HMBOX1: variants seen among roughly 807,000 people sequenced by gnomAD.
HMBOX1 encodes the protein homeobox containing 1.
In HMBOX1, 14 loss-of-function variants were observed where a neutral mutation model predicts 54.5. The observed-to-expected ratio is 0.26, with a 90% CI of 0.17 to 0.40. The LOEUF (loss-of-function observed/expected upper bound fraction) is 0.40, where lower values mean the gene tolerates loss of function less well. HMBOX1 is among the 10% of genes least tolerant of loss of function. The probability of loss-of-function intolerance (pLI) is 1.00; values close to 1 mark genes in which losing one functional copy is unlikely to be tolerated. For missense variants in HMBOX1, 332 were observed against 514.4 expected (o/e 0.65, Z 3.43); for synonymous variants, 160 against 181.0 (o/e 0.88, Z 0.93).
intron 6 of HMBOX1, among the ~76,000 whole-genome samples, chr8:29,044,385 G>C (rs1053171124): frequency 1.3e-5 from 2 of 152,140 alleles, no homozygotes; most frequent in African/African-American, 4.8e-5. Context: ...ATGGGTGACT[G>C]AAAAAGTAGC....
At chr8:28,912,602 A>G (rs1052826036) in intron 1 of HMBOX1, among the ~76,000 whole-genome samples, 4 of 152,182 alleles carry the variant, frequency 2.6e-5, no homozygotes, top group Admixed American at 2.0e-4. Context: ...GTTTTTGTCA[A>G]TGATCATTCC....
chr8:28,928,244 C>T (rs948311755), intron 1 of HMBOX1, among the ~76,000 whole-genome samples: 2 of 151,980 alleles, frequency 1.3e-5, no homozygotes, highest in African/African-American at 2.4e-5. Flanking sequence ...GAAAACTTCC[C>T]AAGAAAATAC....
At chr8:28,983,463 T>C (rs903722380) in intron 4 of HMBOX1, among the ~76,000 whole-genome samples, 2 of 152,238 alleles carry the variant, frequency 1.3e-5, no homozygotes, top group Non-Finnish European at 2.9e-5. Context: ...GTTGTTACCC[T>C]CATTTTAACT....
intron 4 of HMBOX1, among the ~76,000 whole-genome samples, chr8:28,984,299 A>G (rs1162010432): frequency 1.3e-5 from 2 of 152,246 alleles, no homozygotes; most frequent in Admixed American, 1.3e-4. Context: ...GTTCAACTCT[A>G]ATATGTGAAA....
chr8:28,907,874 C>T (rs1235030984), intron 1 of HMBOX1, among the ~76,000 whole-genome samples: 7 of 145,788 alleles, frequency 4.8e-5, no homozygotes, highest in Non-Finnish European at 1.0e-4. Flanking sequence ...GAGACAAGTT[C>T]TCGCTCTGCT....
chr8:28,992,750 ATCCCAGCTAC>A (rs1831172288), intron 4 of HMBOX1, among the ~76,000 whole-genome samples: 1 of 151,226 alleles, frequency 6.6e-6, no homozygotes, highest in Non-Finnish European at 1.5e-5. Context: ...TGTGCCTGTA[ATCCCAGCTAC>A]TCAGGAGGCT....
chr8:28,986,889 C>T (rs569450245), intron 4 of HMBOX1, among the ~76,000 whole-genome samples: 1 of 152,206 alleles, frequency 6.6e-6, no homozygotes, highest in South Asian at 2.1e-4. Context: ...AACCAGCCTT[C>T]ACCACATCCA....
chr8:28,934,877 A>T (rs1247765284), intron 1 of HMBOX1, among the ~76,000 whole-genome samples: 3 of 151,506 alleles, frequency 2.0e-5, no homozygotes, highest in African/African-American at 7.3e-5. Flanking sequence ...CAGTGAGCCG[A>T]GATCGCGCCA....
chr8:28,909,976 C>T (rs2131650404), intron 1 of HMBOX1, among the ~76,000 whole-genome samples: 1 of 152,226 alleles, frequency 6.6e-6, no homozygotes, highest in African/African-American at 2.4e-5. Context: ...TCTCCTGCCT[C>T]AAGCCTGTTC....
intron 1 of HMBOX1, among the ~76,000 whole-genome samples, chr8:28,947,475 C>T (rs927818704): frequency 6.6e-6 from 1 of 152,160 alleles, no homozygotes; most frequent in South Asian, 2.1e-4. Flanking sequence ...TCTTTTCTTC[C>T]TTTCAGCACT....
intron 1 of HMBOX1, among the ~76,000 whole-genome samples, chr8:28,943,204 G>A (rs1463229047): frequency 2.6e-5 from 4 of 152,188 alleles, no homozygotes; most frequent in African/African-American, 9.6e-5. Context: ...TTAAACTGAT[G>A]TAAGATAAAT....
rs1181109993 is a variant in HMBOX1 at position 29,035,687 on chromosome 8, CCA to C, written c.852-9671_852-9670del. Among the ~76,000 whole-genome samples the C allele has an allele frequency of 5.9e-5, 9 of 152,306 alleles. No homozygotes were observed. The East Asian group carries it at 1.5e-3, about 26-fold the overall frequency. ...TCGTTTCATTAGGAAACTAGGAAAT[CCA>C]CAGACTAGCAAAACCAAACACTGCC... On this transcript the variant is annotated intron_variant, in intron 6 of 9. Transcript: ENST00000287701.
chr8:29,045,585 C>G (rs1211530292), intron 7 of HMBOX1, 142 bp downstream of exon 7: 2 of 647,260 alleles, frequency 3.1e-6, no homozygotes, highest in African/African-American at 3.6e-5. Flanking sequence ...GTGGCCAGTG[C>G]CCTGTCCTGC....
At chr8:28,926,128 G>A (rs543104447) in intron 1 of HMBOX1, among the ~76,000 whole-genome samples, 13 of 151,996 alleles carry the variant, frequency 8.6e-5, no homozygotes, top group South Asian at 2.1e-4. Flanking sequence ...GCAAAACCCC[G>A]TCTATACCAA....
At chr8:28,923,729 T>C (rs948844698) in intron 1 of HMBOX1, among the ~76,000 whole-genome samples, 4 of 152,208 alleles carry the variant, frequency 2.6e-5, no homozygotes, top group African/African-American at 7.2e-5. Flanking sequence ...ACCAGCAATA[T>C]ATACAAGGGT....
chr8:28,950,546 T>A (rs1207025162), intron 1 of HMBOX1, among the ~76,000 whole-genome samples: 2 of 152,240 alleles, frequency 1.3e-5, no homozygotes, highest in Non-Finnish European at 2.9e-5. Context: ...TCCTTAGATA[T>A]GTTTTGAATT....
chr8:28,903,628 G>A (rs545043195), intron 1 of HMBOX1, among the ~76,000 whole-genome samples: 1 of 152,200 alleles, frequency 6.6e-6, no homozygotes, highest in African/African-American at 2.4e-5. Flanking sequence ...ATCTCATTTG[G>A]CACTTGATCA....
chr8:28,952,894 G>C (rs1315697368), intron 1 of HMBOX1, among the ~76,000 whole-genome samples: 17 of 152,200 alleles, frequency 1.1e-4, no homozygotes, highest in Non-Finnish European at 5.9e-5. Flanking sequence ...TTTATCACAA[G>C]TAAACATTTG....
intron 1 of HMBOX1, among the ~76,000 whole-genome samples, chr8:28,945,708 T>G (rs1207245214): frequency 6.6e-6 from 1 of 152,176 alleles, no homozygotes; most frequent in East Asian, 1.9e-4. Context: ...TATTTTGAAT[T>G]TATCTAATAA....
Sources: allele counts gnomAD v4.1 joint callset (sites outside exome capture counted in the v4.1 genomes callset), GRCh38; gene constraint gnomAD v4.1.1; transcripts MANE v1.5; gene names NCBI Gene and HGNC (gene_info 2026-07-23, HGNC 2026-07-21).